The following PAX7 variants were observed in gnomAD, a reference collection of about 807,000 sequenced individuals.
PAX7 encodes paired box 7.
PAX7 carries 18 observed loss-of-function variants against 50.7 expected under a neutral mutation model. That is an observed-to-expected ratio of 0.36 (90% CI 0.25 to 0.53). The LOEUF is 0.53. Among genes scored for constraint, PAX7 ranks in the 20% least tolerant of loss-of-function variants. The pLI is 0.93. For missense variants in PAX7, 644 were observed against 702.9 expected, an observed-to-expected ratio of 0.92 and a Z score of 0.95; for synonymous variants, 310 against 290.4, an observed-to-expected ratio of 1.07 and a Z score of -0.69.
Position 18,691,776 on chromosome 1 carries a change from G to A in PAX7, c.609G>A (p.Ser203=), listed in dbSNP as rs141048856. 2.0e-3 allele frequency: 3,243 copies of A among 1,592,006 alleles called. 56 individuals carry two copies. The South Asian group carries it at 0.027, about 13-fold the overall frequency. The part of the protein sequence containing the change: ...GDKGNRLDEG[S]DVESEPDLPL... The stretch of plus-strand genomic sequence containing the variant: ...TAGGGAACCGGCTGGACGAGGGCTC[G>A]GATGTGGAGTCGGAACCTGACCTCC... The change falls in exon 5 of 9, where the codon TCG becomes TCA. Residue 203 remains serine (S), a synonymous_variant. Transcript: ENST00000420770.
chr1:18,652,967 G>A (rs2088456986), intron 4 of PAX7, among the ~76,000 whole-genome samples: 1 of 152,184 alleles, frequency 6.6e-6, no homozygotes, highest in Admixed American at 6.5e-5. Context: ...TCAGTTGCCT[G>A]GAGTCACACA....
At chr1:18,657,415 C>A (rs926063469) in intron 4 of PAX7, among the ~76,000 whole-genome samples, 20 of 151,678 alleles carry the variant, frequency 1.3e-4, no homozygotes, top group Non-Finnish European at 2.8e-4. Context: ...AAAAAAAAAG[C>A]CTGCAGTTTT....
intron 7 of PAX7, among the ~76,000 whole-genome samples, chr1:18,721,990 G>C (rs72943126): frequency 0.022 from 3,396 of 152,296 alleles, 72 homozygotes; most frequent in East Asian, 0.1. Context: ...TCTTGGGCAA[G>C]TCACTTGACC....
At chr1:18,642,553 T>G (rs1190750417) in intron 4 of PAX7, among the ~76,000 whole-genome samples, 2 of 152,174 alleles carry the variant, frequency 1.3e-5, no homozygotes, top group African/African-American at 4.8e-5. Flanking sequence ...AAAGGGGTAA[T>G]TAGCAAACAG....
At chr1:18,665,269 A>G (rs2088652395) in intron 4 of PAX7, among the ~76,000 whole-genome samples, 1 of 152,156 alleles carries the variant, frequency 6.6e-6, no homozygotes, top group Non-Finnish European at 1.5e-5. Flanking sequence ...CATGACCTTC[A>G]CAGGTCTCTA....
At chr1:18,728,412 C>T (rs368964794) in intron 7 of PAX7, among the ~76,000 whole-genome samples, 3 of 151,782 alleles carry the variant, frequency 2.0e-5, no homozygotes, top group East Asian at 1.9e-4. Flanking sequence ...CTTCCTGCAT[C>T]GGTGTCTGGG....
At chr1:18,725,302 GCCC>G (rs3216186) in intron 7 of PAX7, among the ~76,000 whole-genome samples, 48,489 of 106,376 alleles carry the variant, frequency 0.46, 9,947 homozygotes, top group Middle Eastern at 0.6. Context: ...AGGTGGAGAC[GCCC>G]CCCCCCCGCC....
At chr1:18,667,391 A>AAGGAAGGAAGGAAGG (rs1553136571) in intron 4 of PAX7, among the ~76,000 whole-genome samples, 1 of 113,388 alleles carries the variant, frequency 8.8e-6, no homozygotes, top group African/African-American at 3.4e-5. Context: ...AAGGAAGGAG[A>AAGGAAGGAAGGAAGG]AAGGAAGGAA....
chr1:18,674,706 C>T (rs1187625167), intron 4 of PAX7, among the ~76,000 whole-genome samples: 1 of 152,234 alleles, frequency 6.6e-6, no homozygotes, highest in East Asian at 1.9e-4. Context: ...CCTTTTTCCA[C>T]TGTGCTGATG....
intron 4 of PAX7, among the ~76,000 whole-genome samples, chr1:18,640,877 T>C (rs995857297): frequency 2.2e-5 from 3 of 136,556 alleles, no homozygotes; most frequent in Non-Finnish European, 4.7e-5. Context: ...GAGAGGGGCG[T>C]GCGGAGCTGG....
chr1:18,689,747 G>A (rs1251877124), intron 4 of PAX7, among the ~76,000 whole-genome samples: 1 of 152,242 alleles, frequency 6.6e-6, no homozygotes, highest in East Asian at 1.9e-4. Context: ...GTGGCACCAT[G>A]ATTAAATTAC....
At chr1:18,739,333 C>T (rs1235308104) in intron 8 of PAX7, among the ~76,000 whole-genome samples, 1 of 152,210 alleles carries the variant, frequency 6.6e-6, no homozygotes, top group Non-Finnish European at 1.5e-5. Flanking sequence ...TCCACAGCTT[C>T]ACATGCATGT....
At chr1:18,633,915 G>T (rs1030306838) in intron 1 of PAX7, among the ~76,000 whole-genome samples, 8 of 152,206 alleles carry the variant, frequency 5.3e-5, no homozygotes, top group Non-Finnish European at 1.0e-4. Context: ...GATAGTCATT[G>T]GTCCCAAGAT....
intron 4 of PAX7, among the ~76,000 whole-genome samples, chr1:18,654,561 AG>A (rs755309240): frequency 2.8e-4 from 42 of 152,212 alleles, no homozygotes; most frequent in Non-Finnish European, 5.4e-4. Context: ...GCAAGGTGGC[AG>A]GTGCCATCTG....
At position 18,646,843 on chromosome 1, in the gene PAX7, C is replaced by G. The variant is rs574469431; in HGVS notation, c.586+10472C>G. On this transcript the variant is annotated intron_variant, in intron 4 of 8. Coordinates refer to ENST00000420770, the MANE Select transcript of PAX7 (RefSeq NM_001135254.2). ...AGGAGGCTGATTAGGCCACAAAGAG[C>G]CCCCATTATCCCGAGAAGAAAACCG... is the stretch of plus-strand genomic sequence containing the variant. Among the ~76,000 whole-genome samples, 232 of 151,248 alleles carry G rather than the reference C, an allele frequency of 1.5e-3. 1 individual carries two copies. The highest frequency in any genetic ancestry group is 2.8e-3 in the Non-Finnish European group (189 of 67,708).
chr1:18,708,586 G>T (rs2089312489), intron 7 of PAX7, among the ~76,000 whole-genome samples: 1 of 151,974 alleles, frequency 6.6e-6, no homozygotes, highest in African/African-American at 2.4e-5. Flanking sequence ...AACATAAAAT[G>T]ACTTAGGATG....
At chr1:18,734,459 C>T (rs1015771227) in intron 7 of PAX7, among the ~76,000 whole-genome samples, 1 of 152,054 alleles carries the variant, frequency 6.6e-6, no homozygotes, top group Non-Finnish European at 1.5e-5. Flanking sequence ...CTCCTGCCCT[C>T]TCCCCTGCTC....
intron 4 of PAX7, among the ~76,000 whole-genome samples, chr1:18,681,691 ATTTATTTTATTTTATTTTAT>A (rs202204301): frequency 0.36 from 49,558 of 137,882 alleles, 9,396 homozygotes; most frequent in Middle Eastern, 0.46. Context: ...AGGGCTTAGA[ATTTATTTTATTTTATTTTAT>A]TTTATTTTAT....
At position 18,652,336 on chromosome 1, in the gene PAX7, C is replaced by T. The variant is rs532325563; in HGVS notation, c.586+15965C>T. 1.4e-4 allele frequency among the ~76,000 whole-genome samples: 22 copies of T among 152,094 alleles called. No individual in the cohort carries two copies. In the South Asian group the frequency reaches 4.2e-3, roughly 29 times the overall value. On this transcript the variant is annotated intron_variant, in intron 4 of 8. Coordinates refer to ENST00000420770, the MANE Select transcript of PAX7 (RefSeq NM_001135254.2). The stretch of plus-strand genomic sequence containing the variant: ...TATTGAGAACCCACTATGTGCCAGG[C>T]GCTATTCCTAGGAGCACAGCCAGCA...
Sources: gnomAD v4.1 joint callset for allele counts (sites outside exome capture counted in the v4.1 genomes callset) on GRCh38, gnomAD v4.1.1 for gene constraint, MANE v1.5 for transcripts, NCBI Gene and HGNC (gene_info 2026-07-23, HGNC 2026-07-21) for gene names.